Variants in DNAH3 observed in about 807,000 individuals in gnomAD.
DNAH3 encodes the protein dynein axonemal heavy chain 3.
Under a neutral mutation model 432.5 loss-of-function variants are expected in DNAH3, and 332 were observed. The observed-to-expected ratio is 0.77, with a 90% CI of 0.70 to 0.84. The LOEUF (loss-of-function observed/expected upper bound fraction) is 0.84. DNAH3 is among the 40% of genes least tolerant of loss of function. The pLI is 0.00. For missense variants in DNAH3, 4,861 were observed against 5,114.0 expected (o/e 0.95, Z 1.51); for synonymous variants, 1,956 against 1,900.2 (o/e 1.03, Z -0.76).
intron 52 of DNAH3, among the ~76,000 whole-genome samples, chr16:20,969,426 TTCTC>T (rs145402033): frequency 0.015 from 2,298 of 150,036 alleles, 24 homozygotes; most frequent in South Asian, 0.034. Flanking sequence ...CTTTCTCTGC[TTCTC>T]TCTCTCTCTC....
exon 48 of DNAH3, chr16:20,985,610 C>T (rs765782245): frequency 1.2e-6 from 2 of 1,614,228 alleles, no homozygotes; most frequent in Non-Finnish European, 1.7e-6. Context: ...TCAGTGATCT[C>T]ATCGTAGATT....
intron 14 of DNAH3, among the ~76,000 whole-genome samples, chr16:21,107,239 C>CTTTTTTT (rs5816146): frequency 1.1e-5 from 1 of 91,302 alleles, no homozygotes; most frequent in African/African-American, 4.0e-5. Flanking sequence ...AATTTTTAAT[C>CTTTTTTT]TTTTTTTTTT....
intron 51 of DNAH3, among the ~76,000 whole-genome samples, chr16:20,971,008 C>T (rs546199697): frequency 6.6e-6 from 1 of 151,796 alleles, no homozygotes; most frequent in Non-Finnish European, 1.5e-5. Flanking sequence ...GCTGGGACTA[C>T]AGGTGCCTAC....
At chr16:20,983,156 T>C (rs1192704884) in intron 48 of DNAH3, among the ~76,000 whole-genome samples, 1 of 152,204 alleles carries the variant, frequency 6.6e-6, no homozygotes, top group Non-Finnish European at 1.5e-5. Flanking sequence ...GACAGATTCT[T>C]GCTCTGTCAC....
chr16:21,001,485 T>C (rs755144488), intron 42 of DNAH3, among the ~76,000 whole-genome samples: 1 of 152,108 alleles, frequency 6.6e-6, no homozygotes, highest in Non-Finnish European at 1.5e-5. Context: ...GTGATGCAAA[T>C]AGCGCCACCT....
At chr16:21,148,869 C>T (rs2092819174) in intron 1 of DNAH3, among the ~76,000 whole-genome samples, 1 of 152,142 alleles carries the variant, frequency 6.6e-6, no homozygotes. Flanking sequence ...TAAGAATCCT[C>T]TGTGGCACCT....
chr16:21,127,824 G>A lies in DNAH3; in HGVS notation c.1083-12C>T. ...TGAGGTCTCTGAATCTGCCAAAAGA[G>A]AGGGAGAAATTTCCTAAGCTAAAGA... On this transcript the variant is annotated splice_polypyrimidine_tract_variant and intron_variant, in intron 7 of 61. Coordinates refer to ENST00000261383, the Ensembl canonical transcript of DNAH3. 4 of 1,613,830 alleles carry A rather than the reference G, an allele frequency of 2.5e-6. No homozygotes were observed. The highest frequency in any genetic ancestry group is 1.7e-6 in the Non-Finnish European group (2 of 1,179,818).
chr16:20,965,323 A>G, exon 53 of DNAH3: 1 of 1,609,820 alleles, frequency 6.2e-7, no homozygotes, highest in Non-Finnish European at 8.5e-7. Flanking sequence ...CTTCATGGTC[A>G]GTGGGGGGAT....
chr16:21,066,928 T>C (rs1447278890), intron 24 of DNAH3, among the ~76,000 whole-genome samples: 2 of 152,222 alleles, frequency 1.3e-5, no homozygotes, highest in African/African-American at 4.8e-5. Context: ...GAGGCTTGGA[T>C]AGATTTGCTG....
At position 21,023,413 on chromosome 16, in the gene DNAH3, T is replaced by C. The variant is rs146980588; in HGVS notation, c.5646+1183A>G. 5.7e-3 allele frequency among the ~76,000 whole-genome samples: 874 copies of C among 152,210 alleles called. 9 individuals carry two copies. Among genetic ancestry groups the C allele is most frequent in the African/African-American group, 0.02 (837 of 41,534 alleles). The stretch of plus-strand genomic sequence containing the variant: ...AAAGTTCTAGCAGGAAACACAAACG[T>C]GTTATGGTGAAGAATAACAGGAAGG... On this transcript the variant is annotated intron_variant, in intron 39 of 61. Coordinates refer to ENST00000261383, the Ensembl canonical transcript of DNAH3.
chr16:21,024,960 T>G (rs530778299), intron 38 of DNAH3, among the ~76,000 whole-genome samples: 2 of 152,340 alleles, frequency 1.3e-5, no homozygotes, highest in South Asian at 4.1e-4. Flanking sequence ...TGTCTTGCTC[T>G]GTTGCCCAGG....
Position 21,140,639 on chromosome 16 carries a change from G to A in DNAH3, c.593C>T (p.Pro198Leu), listed in dbSNP as rs1301964084. 2.5e-6 allele frequency: 4 copies of A among 1,613,946 alleles called. No homozygotes were observed. The South Asian group carries it at 3.3e-5, about 13-fold the overall frequency. The change falls in exon 5 of 62, where the codon CCA (proline) becomes CTA (leucine). Residue 198 changes from proline to leucine, a missense_variant. By Grantham distance (98) the Pro-to-Leu change is moderately conservative. Transcript: ENST00000261383. ...TTCTGGACTCATTGGTCTGCTTCCT[G>A]GGAACGTCAAAGATGTCTTTACCTC... is the stretch of plus-strand genomic sequence containing the variant.
In DNAH3 at chr16:21,029,344, T is replaced by C. The variant is rs537515709; in HGVS notation, c.5439+1701A>G. ...TTAAACACAGTTAGAAAATATATTT[T>C]GATTTGATAATGATGTATATCCAGT... On this transcript the variant is annotated intron_variant, in intron 37 of 61. Coordinates refer to ENST00000261383, the Ensembl canonical transcript of DNAH3. Among the ~76,000 whole-genome samples the C allele has an allele frequency of 3.1e-3, 477 of 152,352 alleles. 2 individuals are homozygous for C. Among genetic ancestry groups the C allele is most frequent in the Non-Finnish European group, 5.6e-3 (381 of 68,032 alleles).
chr16:20,980,303 T>TTATAATATACATCATATAG (rs1322071145), intron 49 of DNAH3, among the ~76,000 whole-genome samples: 1 of 142,474 alleles, frequency 7.0e-6, no homozygotes, highest in Non-Finnish European at 1.5e-5. Flanking sequence ...ACATCATATA[T>TTATAATATACATCATATAG]TATATTATAT....
At chr16:21,039,918 A>G (rs770767272) in exon 33 of DNAH3, 1 of 1,613,914 alleles carries the variant, frequency 6.2e-7, no homozygotes, top group Admixed American at 1.7e-5. Context: ...ATCTGGGACC[A>G]TCATGGCCAC....
intron 19 of DNAH3, among the ~76,000 whole-genome samples, chr16:21,085,527 CAA>C (rs34136946): frequency 0.019 from 1,560 of 81,332 alleles, 8 homozygotes; most frequent in Non-Finnish European, 0.021. Context: ...GATTCCACCT[CAA>C]AAAAAAAAAA....
In DNAH3 at chr16:21,022,930, T is replaced by C. The variant is rs530425366; in HGVS notation, c.5647-830A>G. On this transcript the variant is annotated intron_variant, in intron 39 of 61. Transcript: ENST00000261383. ...GCTCAGCTAATTTTTGTATTTTTAG[T>C]AGAGACAGGGTTCTACCATGTTGGC... 4.5e-4 allele frequency among the ~76,000 whole-genome samples: 69 copies of C among 152,228 alleles called. No homozygotes were observed. In the Middle Eastern group the frequency reaches 0.014, roughly 30 times the overall value.
intron 55 of DNAH3, among the ~76,000 whole-genome samples, chr16:20,953,437 G>A (rs1378290310): frequency 6.6e-6 from 1 of 152,180 alleles, no homozygotes; most frequent in Non-Finnish European, 1.5e-5. Context: ...GGGATTACAG[G>A]TGTGAACCAT....
chr16:21,069,053 T>TA (rs2090680002), intron 23 of DNAH3, among the ~76,000 whole-genome samples: 1 of 151,918 alleles, frequency 6.6e-6, no homozygotes, highest in Non-Finnish European at 1.5e-5. Flanking sequence ...GCCCTCCGAG[T>TA]AGCTGGGATT....
Sources: gnomAD v4.1 joint callset for allele counts (sites outside exome capture counted in the v4.1 genomes callset) on GRCh38, gnomAD v4.1.1 for gene constraint, MANE v1.5 for transcripts, NCBI Gene and HGNC (gene_info 2026-07-23, HGNC 2026-07-21) for gene names.